The following MESD variants were observed in gnomAD, a reference collection of about 807,000 sequenced individuals.
MESD encodes the protein LRP chaperone MESD.
A neutral mutation model predicts 12.9 loss-of-function variants in MESD; 7 were observed. That is an observed-to-expected ratio of 0.54 (90% CI 0.31 to 1.02). MESD has a LOEUF of 1.02. Among genes scored for constraint, MESD ranks in the 50% least tolerant of loss-of-function variants. MESD has a pLI of 0.05. For synonymous variants in MESD, 126 were observed against 115.6 expected (o/e 1.09, Z -0.58); for missense variants, 342 against 296.7 (o/e 1.15, Z -1.12).
intron 1 of MESD, among the ~76,000 whole-genome samples, chr15:80,986,491 A>G (rs759953812): frequency 6.6e-5 from 10 of 152,240 alleles, no homozygotes; most frequent in Non-Finnish European, 1.3e-4. Context: ...ATTACATTTT[A>G]TACATGTGTA....
In MESD at chr15:80,979,188, T is replaced by TA; in HGVS notation, c.*30_*31insT. 1 of 1,597,444 alleles carries TA rather than the reference T, an allele frequency of 6.3e-7. No homozygotes were observed. ...GGGCAAAGAGCTCTCCACGTCCACCTGTCCCCCCACAGCGCGTCACTGCTG... is the reference window on the plus strand; with the variant it reads ...GGGCAAAGAGCTCTCCACGTCCACCTAGTCCCCCCACAGCGCGTCACTGCTG... On this transcript the variant is annotated 3_prime_UTR_variant, in exon 3 of 3. Coordinates refer to ENST00000261758, the MANE Select transcript of MESD (RefSeq NM_015154.3).
Position 80,982,150 on chromosome 15 carries a change from TG to T in MESD, c.245del (p.Pro82GlnfsTer15), listed in dbSNP as rs1174709928. 2.5e-6 allele frequency: 4 copies of T among 1,614,038 alleles called. No individual in the cohort carries two copies. Among genetic ancestry groups the T allele is most frequent in the South Asian group, 1.1e-5 (1 of 91,084 alleles). ...CAGGTGCTGAAGGTCTCTTGTGCTCTGGAAGATCTCCTTCTTCAATGTCATC... is the reference window on the plus strand; with the variant it reads ...CAGGTGCTGAAGGTCTCTTGTGCTCTGAAGATCTCCTTCTTCAATGTCATC... ...KDDDIEEGDL[P>X]EHKRPSAPVD... On this transcript the variant is annotated frameshift_variant, in exon 2 of 3. Transcript: ENST00000261758. LOFTEE classifies it high-confidence loss of function.
exon 5 of MESD, chr15:80,947,559 G>A (rs568605561): frequency 1.2e-4 from 19 of 162,784 alleles, no homozygotes; most frequent in East Asian, 1.7e-4. Context: ...AGGCAGCTTC[G>A]GTGGTGAAGC....
intron 3 of MESD, among the ~76,000 whole-genome samples, chr15:80,965,331 A>G (rs1411172701): frequency 1.3e-5 from 2 of 152,262 alleles, no homozygotes; most frequent in African/African-American, 4.8e-5. Flanking sequence ...GTGGAGAAAC[A>G]GGAACACTTT....
At chr15:80,963,299 T>C (rs1902120494) in intron 3 of MESD, among the ~76,000 whole-genome samples, 1 of 152,220 alleles carries the variant, frequency 6.6e-6, no homozygotes. Context: ...AATCTCTGAA[T>C]AGACCAATAA....
chr15:80,982,356 A>G (rs185088618), intron 1 of MESD, among the ~76,000 whole-genome samples, 174 bp from the exon 2 acceptor site: 1 of 152,306 alleles, frequency 6.6e-6, no homozygotes, highest in East Asian at 1.9e-4. Context: ...TCTAAGTTTC[A>G]GGCAGCACAT....
At chr15:80,949,352 G>A (rs1901718178) in intron 4 of MESD, 3 of 299,662 alleles carry the variant, frequency 1.0e-5, no homozygotes, top group Non-Finnish European at 6.6e-6. Flanking sequence ...AAGTGAGGGT[G>A]GTAAATGTAG....
intron 3 of MESD, among the ~76,000 whole-genome samples, chr15:80,967,257 A>C (rs1477035776): frequency 2.0e-5 from 3 of 152,100 alleles, no homozygotes; most frequent in Non-Finnish European, 2.9e-5. Context: ...ACACCATTGC[A>C]CTCCAGCCTG....
chr15:80,983,062 T>C (rs1438496013), intron 1 of MESD, among the ~76,000 whole-genome samples: 2 of 151,964 alleles, frequency 1.3e-5, no homozygotes, highest in Non-Finnish European at 2.9e-5. Flanking sequence ...GGCAACATAG[T>C]GAGATCCCAT....
intron 3 of MESD, among the ~76,000 whole-genome samples, chr15:80,965,614 T>C (rs1399630390): frequency 2.0e-5 from 3 of 152,198 alleles, no homozygotes; most frequent in African/African-American, 7.2e-5. Flanking sequence ...CATGGAATAC[T>C]ATGCAGCCAT....
chr15:80,973,194 C>T (rs1035545738), downstream of MESD, among the ~76,000 whole-genome samples: 2 of 152,052 alleles, frequency 1.3e-5, no homozygotes, highest in African/African-American at 2.4e-5. Flanking sequence ...ATAGCTGGGA[C>T]GGTGTGATGG....
intron 2 of MESD, among the ~76,000 whole-genome samples, chr15:80,980,884 C>T (rs904734563): frequency 2.6e-5 from 4 of 151,044 alleles, no homozygotes; most frequent in African/African-American, 7.3e-5. Context: ...AGTGCAGTGA[C>T]GCAATCTCGG....
intron 1 of MESD, among the ~76,000 whole-genome samples, chr15:80,985,055 C>T (rs1902692647): frequency 6.6e-6 from 1 of 152,166 alleles, no homozygotes; most frequent in Non-Finnish European, 1.5e-5. Flanking sequence ...GAAGTGATCT[C>T]CAAGGCCCCA....
intron 4 of MESD, chr15:80,949,993 A>C (rs1204330430): frequency 6.6e-6 from 1 of 151,984 alleles, no homozygotes; most frequent in African/African-American, 2.4e-5. Context: ...GAGGGGAGCA[A>C]TGGGCTTTGC....
exon 5 of MESD, chr15:80,948,758 A>AT (rs754830408): frequency 2.7e-5 from 43 of 1,613,744 alleles, no homozygotes; most frequent in Non-Finnish European, 3.6e-5. Context: ...CCGTCCTCTC[A>AT]TAGGGCTTTT....
At chr15:80,955,251 C>T (rs1385668199) in intron 3 of MESD, among the ~76,000 whole-genome samples, 2 of 150,440 alleles carry the variant, frequency 1.3e-5, no homozygotes, top group African/African-American at 4.9e-5. Context: ...TTTGGGAGGC[C>T]GAGGCGGGCG....
At chr15:80,986,024 T>A (rs8029934) in intron 1 of MESD, among the ~76,000 whole-genome samples, 25,902 of 151,912 alleles carry the variant, frequency 0.17, 2,352 homozygotes, top group African/African-American at 0.25. Flanking sequence ...CAGGTAAAAA[T>A]TGTTTCAAGA....
intron 4 of MESD, chr15:80,949,322 C>T: frequency 2.9e-6 from 1 of 342,824 alleles, no homozygotes; most frequent in South Asian, 2.4e-5. Context: ...ATTCACAGAT[C>T]CCCATGGTCT....
Position 80,982,155 on chromosome 15 carries a change from G to C in MESD, c.241C>G (p.Leu81Val). Reference sequence around the variant, plus strand: ...GCTGAAGGTCTCTTGTGCTCTGGAAGATCTCCTTCTTCAATGTCATCATCT... The same window carrying C: ...GCTGAAGGTCTCTTGTGCTCTGGAACATCTCCTTCTTCAATGTCATCATCT... Reference protein sequence around the residue: ...EKDDDIEEGDLPEHKRPSAPV... With the variant: ...EKDDDIEEGDVPEHKRPSAPV... Residue 81 changes from leucine (L) to valine (V), a missense_variant, in exon 2 of 3, where the codon CTT (leucine) becomes GTT (valine). Physicochemically the swap from Leu to Val is conservative, Grantham distance 32. Coordinates refer to ENST00000261758, the MANE Select transcript of MESD (RefSeq NM_015154.3). The C allele has an allele frequency of 1.2e-6, 2 of 1,614,066 alleles. No homozygotes were observed. Among genetic ancestry groups the C allele is most frequent in the Admixed American group, 1.7e-5 (1 of 60,022 alleles).
Sources: allele counts gnomAD v4.1 joint callset (sites outside exome capture counted in the v4.1 genomes callset), GRCh38; gene constraint gnomAD v4.1.1; transcripts MANE v1.5; gene names NCBI Gene and HGNC (gene_info 2026-07-23, HGNC 2026-07-21).